Variants in TEKT5 observed in about 807,000 individuals in gnomAD.
The protein encoded by TEKT5 is tektin 5.
TEKT5 carries 52 observed loss-of-function variants against 48.7 expected under a neutral mutation model. That is an observed-to-expected ratio of 1.07 (90% confidence interval 0.86 to 1.35). The LOEUF is 1.35. TEKT5 is among the 40% of genes most tolerant of loss of function. The pLI, the probability that TEKT5 is intolerant of heterozygous loss-of-function variation, is 0.00. For missense variants in TEKT5, 831 were observed against 641.6 expected (o/e 1.30, Z -3.19); for synonymous variants, 318 against 267.6 (o/e 1.19, Z -1.84).
intron 6 of TEKT5, among the ~76,000 whole-genome samples, chr16:10,628,892 C>T (rs776490944): frequency 3.0e-5 from 4 of 133,880 alleles, no homozygotes; most frequent in African/African-American, 9.8e-5. Flanking sequence ...GGAGCCTGAG[C>T]GAAACTCTGT....
At chr16:10,648,843 G>T (rs1169806425) in intron 5 of TEKT5, among the ~76,000 whole-genome samples, 1 of 152,260 alleles carries the variant, frequency 6.6e-6, no homozygotes, top group Non-Finnish European at 1.5e-5. Flanking sequence ...CATTTGAATG[G>T]TTGGCTCTGC....
intron 3 of TEKT5, among the ~76,000 whole-genome samples, chr16:10,683,247 C>A (rs1298860789): frequency 1.8e-5 from 1 of 56,516 alleles, no homozygotes; most frequent in Non-Finnish European, 3.2e-5. Context: ...GCTAGAAACA[C>A]CAGATGTTTA....
chr16:10,662,184 G>A (rs918288870), intron 5 of TEKT5, among the ~76,000 whole-genome samples: 1 of 152,178 alleles, frequency 6.6e-6, no homozygotes, highest in African/African-American at 2.4e-5. Context: ...TCTACTCACT[G>A]GATGCCAATC....
At chr16:10,656,833 T>C (rs1898270237) in intron 5 of TEKT5, among the ~76,000 whole-genome samples, 2 of 151,420 alleles carry the variant, frequency 1.3e-5, no homozygotes, top group South Asian at 4.2e-4. Context: ...TTTGATCTCC[T>C]GGGCTCAAGT....
intron 1 of TEKT5, among the ~76,000 whole-genome samples, chr16:10,693,711 A>C (rs1464950714): frequency 6.6e-6 from 1 of 152,234 alleles, no homozygotes; most frequent in African/African-American, 2.4e-5. Context: ...GGCCAGGCAC[A>C]GTGGCCCATG....
intron 3 of TEKT5, among the ~76,000 whole-genome samples, chr16:10,684,848 A>T (rs1898831845): frequency 6.6e-6 from 1 of 152,138 alleles, no homozygotes; most frequent in Admixed American, 6.5e-5. Context: ...CTCTATCAGG[A>T]AGAGCCTTTT....
chr16:10,694,777 G>C lies in TEKT5; in HGVS notation c.97C>G (p.Gln33Glu), dbSNP rs534172918. The C allele has an allele frequency of 1.7e-5, 28 of 1,613,988 alleles. No homozygotes were observed. In the African/African-American group the frequency reaches 3.6e-4, roughly 21 times the overall value. Residue 33 changes from glutamine to glutamate, a missense_variant, in exon 1 of 7, where the codon CAG (glutamine) becomes GAG (glutamate). Transcript: ENST00000283025. ...SLPAVQAPVI[Q>E]ECYQPYYLPG... ...AGGTAGTAGGGCTGATAGCATTCCT[G>C]GATCACTGGCGCCTGTACAGCTGGC...
At chr16:10,646,231 C>A (rs767148462) in intron 5 of TEKT5, among the ~76,000 whole-genome samples, 12 of 152,134 alleles carry the variant, frequency 7.9e-5, no homozygotes, top group Non-Finnish European at 1.8e-4. Flanking sequence ...ATGGTAGTAG[C>A]TCAATAAACA....
intron 1 of TEKT5, 120 bp downstream of exon 1, chr16:10,694,190 G>A: frequency 1.2e-6 from 1 of 863,042 alleles, no homozygotes; most frequent in Non-Finnish European, 1.8e-6. Context: ...CGTATTCGAT[G>A]ATGCAGCTCA....
Position 10,681,860 on chromosome 16 carries a change from G to C in TEKT5, c.863+133C>G, listed in dbSNP as rs940696683. ...GACTTGGATTCTGCCGCCTGCGCTAGAGGATCCCCGTTCAACCATGCCACT... is the reference window on the plus strand; with the variant it reads ...GACTTGGATTCTGCCGCCTGCGCTACAGGATCCCCGTTCAACCATGCCACT... On this transcript the variant is annotated intron_variant, in intron 4 of 6. Coordinates refer to ENST00000283025, the MANE Select transcript of TEKT5 (RefSeq NM_144674.2). 1.5e-5 allele frequency: 19 copies of C among 1,229,930 alleles called. No homozygotes were observed. The African/African-American group carries it at 2.1e-4, about 14-fold the overall frequency. 76.2% of individuals were successfully genotyped at this position (1,229,930 alleles called of 1,614,324 possible).
At chr16:10,628,331 A>C (rs1182788645) in intron 6 of TEKT5, among the ~76,000 whole-genome samples, 1 of 152,216 alleles carries the variant, frequency 6.6e-6, no homozygotes, top group African/African-American at 2.4e-5. Context: ...AGGAAGAAAT[A>C]AGACAGGATG....
intron 3 of TEKT5, among the ~76,000 whole-genome samples, chr16:10,685,133 C>T (rs948924161): frequency 8.5e-5 from 13 of 152,330 alleles, no homozygotes; most frequent in African/African-American, 2.4e-4. Flanking sequence ...AGCCTCCATC[C>T]GGCGTGGCTC....
At chr16:10,655,024 AT>A (rs1413132788) in intron 5 of TEKT5, among the ~76,000 whole-genome samples, 1 of 144,768 alleles carries the variant, frequency 6.9e-6, no homozygotes, top group Non-Finnish European at 1.5e-5. Flanking sequence ...ACAATAGGAA[AT>A]TCAGATTTGC....
Position 10,627,568 on chromosome 16 carries a change from G to A in TEKT5, c.*15C>T, listed in dbSNP as rs377045118. The A allele has an allele frequency of 9.3e-6, 15 of 1,612,984 alleles. No homozygotes were observed. The African/African-American group carries it at 1.7e-4, about 19-fold the overall frequency. On this transcript the variant is annotated 3_prime_UTR_variant, in exon 7 of 7. Coordinates refer to ENST00000283025, the MANE Select transcript of TEKT5 (RefSeq NM_144674.2). ...CAATTTTACGCCAGCGCGGAATGAGGCGCCAGGGCGGTGCTCAGGTGTGGC... is the reference window on the plus strand; with the variant it reads ...CAATTTTACGCCAGCGCGGAATGAGACGCCAGGGCGGTGCTCAGGTGTGGC...
intron 4 of TEKT5, among the ~76,000 whole-genome samples, chr16:10,677,163 C>T (rs1010072170): frequency 1.3e-5 from 2 of 152,228 alleles, no homozygotes; most frequent in African/African-American, 4.8e-5. Context: ...TGCACTCCAG[C>T]CTGGGCAACA....
At chr16:10,635,983 T>C (rs913631885) in intron 5 of TEKT5, 65 bp from the exon 6 acceptor site, 7 of 1,583,816 alleles carry the variant, frequency 4.4e-6, no homozygotes, top group African/African-American at 1.3e-5. Flanking sequence ...ACTGGGGGCC[T>C]GGGGGGAGCA....
At chr16:10,635,461 G>A (rs2541527) in intron 6 of TEKT5, among the ~76,000 whole-genome samples, 5,171 of 152,168 alleles carry the variant, frequency 0.034, 323 homozygotes, top group African/African-American at 0.12. Flanking sequence ...GCTTTCAAGT[G>A]AAACAAGAGG....
intron 5 of TEKT5, among the ~76,000 whole-genome samples, chr16:10,666,266 G>C (rs1305734115): frequency 1.3e-5 from 2 of 152,126 alleles, no homozygotes; most frequent in Non-Finnish European, 2.9e-5. Flanking sequence ...AACAGTTCAT[G>C]AGTTCAGGAC....
chr16:10,638,304 C>T (rs1020391724), intron 5 of TEKT5, among the ~76,000 whole-genome samples: 1 of 152,194 alleles, frequency 6.6e-6, no homozygotes, highest in African/African-American at 2.4e-5. Flanking sequence ...GTCACCTGAC[C>T]GTGACTGAAA....
Sources: allele counts gnomAD v4.1 joint callset (sites outside exome capture counted in the v4.1 genomes callset), GRCh38; gene constraint gnomAD v4.1.1; transcripts MANE v1.5; gene names NCBI Gene and HGNC (gene_info 2026-07-23, HGNC 2026-07-21).